NPAS3: variants seen among roughly 807,000 people sequenced by gnomAD.
NPAS3 encodes the protein neuronal PAS domain protein 3.
In NPAS3, 14 loss-of-function variants were observed where a neutral mutation model predicts 73.1. The observed-to-expected ratio is 0.19, with a 90% CI of 0.13 to 0.30. The LOEUF is 0.30. NPAS3 is among the 10% of genes least tolerant of loss of function. The pLI is 1.00. For synonymous variants in NPAS3, 620 were observed against 541.5 expected, an observed-to-expected ratio of 1.14 and a Z score of -2.01; for missense variants, 1,096 against 1,250.0, an observed-to-expected ratio of 0.88 and a Z score of 1.86.
At chr14:33,787,045 T>C (rs1006442832) in intron 9 of NPAS3, among the ~76,000 whole-genome samples, 1 of 150,696 alleles carries the variant, frequency 6.6e-6, no homozygotes, top group African/African-American at 2.4e-5. Context: ...TATAACAAAT[T>C]CCCCCCCCAA....
intron 2 of NPAS3, among the ~76,000 whole-genome samples, chr14:33,151,832 G>A (rs2044455159): frequency 6.6e-6 from 1 of 152,140 alleles, no homozygotes; most frequent in Non-Finnish European, 1.5e-5. Flanking sequence ...TTAAAAATAA[G>A]TGAAGAATAA....
At chr14:33,446,166 C>CTTTTTTTT (rs71118544) in intron 4 of NPAS3, among the ~76,000 whole-genome samples, 19 of 119,996 alleles carry the variant, frequency 1.6e-4, no homozygotes, top group South Asian at 6.0e-4. Context: ...TTCATGCTTT[C>CTTTTTTTT]TTTTTTTTTT....
At chr14:32,974,641 G>A (rs182594525) in intron 1 of NPAS3, among the ~76,000 whole-genome samples, 5 of 152,258 alleles carry the variant, frequency 3.3e-5, no homozygotes, top group Admixed American at 2.6e-4. Context: ...GTCTCTGTTG[G>A]TTCTCTTAGT....
intron 2 of NPAS3, among the ~76,000 whole-genome samples, chr14:33,116,982 G>A (rs866268012): frequency 6.6e-6 from 1 of 152,074 alleles, no homozygotes; most frequent in African/African-American, 2.4e-5. Flanking sequence ...CCATTGCTTT[G>A]TAACAGAATA....
At chr14:33,330,546 A>G (rs1216448526) in intron 3 of NPAS3, among the ~76,000 whole-genome samples, 1 of 152,214 alleles carries the variant, frequency 6.6e-6, no homozygotes, top group Non-Finnish European at 1.5e-5. Flanking sequence ...TAAGTTCATA[A>G]TTTCTTAAAT....
chr14:33,241,875 G>A (rs1461745013), intron 3 of NPAS3, among the ~76,000 whole-genome samples: 1 of 152,024 alleles, frequency 6.6e-6, no homozygotes, highest in Non-Finnish European at 1.5e-5. Context: ...CTTTGATACT[G>A]TGCATTTAAA....
At chr14:32,940,376 A>G (rs1433060992) in intron 1 of NPAS3, among the ~76,000 whole-genome samples, 1 of 152,150 alleles carries the variant, frequency 6.6e-6, no homozygotes, top group African/African-American at 2.4e-5. Flanking sequence ...ATCACCACCA[A>G]CGTGGTTTTC....
intron 6 of NPAS3, among the ~76,000 whole-genome samples, chr14:33,698,322 T>C (rs1301163456): frequency 1.3e-5 from 2 of 152,246 alleles, no homozygotes; most frequent in Non-Finnish European, 2.9e-5. Flanking sequence ...GAAAGGTTTT[T>C]TTAAAATTAT....
chr14:33,059,044 T>G (rs893378718), intron 2 of NPAS3, among the ~76,000 whole-genome samples: 6 of 152,310 alleles, frequency 3.9e-5, no homozygotes, highest in East Asian at 1.9e-4. Context: ...TCTTTCTCAC[T>G]TTGTTAGTTC....
At chr14:33,282,261 G>C (rs1173578013) in intron 3 of NPAS3, among the ~76,000 whole-genome samples, 1 of 152,210 alleles carries the variant, frequency 6.6e-6, no homozygotes, top group Non-Finnish European at 1.5e-5. Context: ...AAGGCTTTGT[G>C]CCTATGCCTT....
At chr14:33,733,986 GAA>G (rs141291188) in intron 6 of NPAS3, among the ~76,000 whole-genome samples, 9,079 of 152,088 alleles carry the variant, frequency 0.06, 534 homozygotes, top group African/African-American at 0.15. Flanking sequence ...AGTTTAATAT[GAA>G]AAAGAGATTA....
At chr14:32,985,903 A>G (rs2038076784) in intron 1 of NPAS3, among the ~76,000 whole-genome samples, 1 of 152,188 alleles carries the variant, frequency 6.6e-6, no homozygotes, top group Non-Finnish European at 1.5e-5. Flanking sequence ...AATGGCTTTG[A>G]GTGAGTCGTT....
At chr14:33,486,276 T>G (rs1225286293) in intron 4 of NPAS3, among the ~76,000 whole-genome samples, 1 of 152,044 alleles carries the variant, frequency 6.6e-6, no homozygotes, top group Non-Finnish European at 1.5e-5. Context: ...TGTCCCCAAA[T>G]TTCTGCTGTA....
At chr14:33,664,840 A>G (rs188170264) in intron 5 of NPAS3, among the ~76,000 whole-genome samples, 1 of 152,382 alleles carries the variant, frequency 6.6e-6, no homozygotes, top group African/African-American at 2.4e-5. Flanking sequence ...AATGGCGATT[A>G]TTAAAAAGTC....
intron 6 of NPAS3, among the ~76,000 whole-genome samples, chr14:33,678,716 T>C (rs1470559969): frequency 1.3e-5 from 2 of 149,956 alleles, no homozygotes; most frequent in Admixed American, 1.3e-4. Context: ...CTGAGTTTGA[T>C]GTCTCCCCAA....
chr14:33,347,048 T>G (rs1290209483), intron 3 of NPAS3, among the ~76,000 whole-genome samples: 1 of 152,082 alleles, frequency 6.6e-6, no homozygotes, highest in Non-Finnish European at 1.5e-5. Flanking sequence ...CTTGAAAGAG[T>G]TCCATGCTCA....
intron 3 of NPAS3, among the ~76,000 whole-genome samples, chr14:33,290,481 A>G (rs944358594): frequency 3.3e-5 from 5 of 152,214 alleles, no homozygotes; most frequent in Non-Finnish European, 7.3e-5. Flanking sequence ...TATTTATTAA[A>G]TTCAAATATA....
intron 3 of NPAS3, among the ~76,000 whole-genome samples, chr14:33,366,323 C>T (rs11622430): frequency 0.24 from 36,524 of 149,766 alleles, 4,673 homozygotes; most frequent in South Asian, 0.42. Flanking sequence ...TGGAACCCCA[C>T]GTAAAAAAAA....
chr14:33,623,542 G>T (rs1255028001), intron 5 of NPAS3, among the ~76,000 whole-genome samples: 1 of 152,186 alleles, frequency 6.6e-6, no homozygotes. Flanking sequence ...CACCTAATGG[G>T]TGCCTCTGCT....
Sources: gnomAD v4.1 joint callset for allele counts (sites outside exome capture counted in the v4.1 genomes callset) on GRCh38, gnomAD v4.1.1 for gene constraint, MANE v1.5 for transcripts, NCBI Gene and HGNC (gene_info 2026-07-23, HGNC 2026-07-21) for gene names.